KCNC2: variants seen among roughly 807,000 people sequenced by gnomAD.
KCNC2 encodes potassium voltage-gated channel subfamily C member 2.
KCNC2 carries 21 observed loss-of-function variants against 44.5 expected under a neutral mutation model. The observed-to-expected ratio is 0.47, with a 90% CI of 0.33 to 0.68. The LOEUF (loss-of-function observed/expected upper bound fraction) is 0.68. KCNC2 is among the 30% of genes least tolerant of loss of function. The probability of loss-of-function intolerance (pLI) is 0.01; values close to 1 mark genes in which losing one functional copy is unlikely to be tolerated. For synonymous variants in KCNC2, 391 were observed against 339.1 expected (o/e 1.15, Z -1.68); for missense variants, 589 against 826.2 (o/e 0.71, Z 3.52).
intron 2 of KCNC2, among the ~76,000 whole-genome samples, chr12:75,189,970 G>A (rs897099627): frequency 5.3e-5 from 8 of 151,996 alleles, no homozygotes; most frequent in Non-Finnish European, 7.4e-5. Context: ...AAATACCACC[G>A]GTTATTAGAC....
At chr12:75,044,381 T>C (rs575861890) in intron 4 of KCNC2, 2 of 152,056 alleles carry the variant, frequency 1.3e-5, no homozygotes, top group East Asian at 3.9e-4. Context: ...TTACACTATA[T>C]GACTTACTTT....
chr12:75,145,859 T>C (rs1421796888), intron 2 of KCNC2, among the ~76,000 whole-genome samples: 1 of 152,100 alleles, frequency 6.6e-6, no homozygotes, highest in Non-Finnish European at 1.5e-5. Flanking sequence ...ATATTACTGT[T>C]GTATTATATT....
intron 2 of KCNC2, among the ~76,000 whole-genome samples, chr12:75,092,606 C>T (rs920864812): frequency 6.6e-6 from 1 of 151,594 alleles, no homozygotes; most frequent in African/African-American, 2.4e-5. Context: ...GACATCTATT[C>T]CTGAAGAATG....
chr12:75,177,634 C>A (rs1027445066), intron 2 of KCNC2, among the ~76,000 whole-genome samples: 1 of 151,908 alleles, frequency 6.6e-6, no homozygotes, highest in Non-Finnish European at 1.5e-5. Context: ...AAACAATAGT[C>A]TTAGTTATTA....
chr12:75,147,018 G>T (rs1426443782), intron 2 of KCNC2, among the ~76,000 whole-genome samples: 1 of 152,084 alleles, frequency 6.6e-6, no homozygotes, highest in Non-Finnish European at 1.5e-5. Flanking sequence ...TTTATACTTA[G>T]AAAATACAGG....
At chr12:75,083,206 T>C (rs1434374105) in intron 2 of KCNC2, among the ~76,000 whole-genome samples, 1 of 151,688 alleles carries the variant, frequency 6.6e-6, no homozygotes, top group Non-Finnish European at 1.5e-5. Flanking sequence ...ATTGTACCAA[T>C]AACATTACTA....
intron 2 of KCNC2, among the ~76,000 whole-genome samples, chr12:75,101,059 T>C (rs1466961575): frequency 1.3e-5 from 2 of 152,138 alleles, no homozygotes; most frequent in African/African-American, 4.8e-5. Flanking sequence ...GATACTTTAA[T>C]TGCAGACTCA....
At position 75,208,076 on chromosome 12, in the gene KCNC2, C is replaced by A. The variant is rs372041865; in HGVS notation, c.-19-74G>T. 1.7e-5 allele frequency: 26 copies of A among 1,559,058 alleles called. No homozygotes were observed. In the South Asian group the frequency reaches 1.9e-4, roughly 12 times the overall value. On this transcript the variant is annotated intron_variant, in intron 1 of 4. Transcript: ENST00000549446. ...GACACACCATGACCCCCACCACCAA[C>A]CCAGAGCGAGTCCAGGGATGCAGAG... is the stretch of plus-strand genomic sequence containing the variant.
chr12:75,147,039 C>G (rs989675472), intron 2 of KCNC2, among the ~76,000 whole-genome samples: 2 of 152,208 alleles, frequency 1.3e-5, no homozygotes, highest in African/African-American at 4.8e-5. Context: ...AGAATCCACA[C>G]AATTTTAGGT....
At chr12:75,114,195 T>A (rs74367673) in intron 2 of KCNC2, among the ~76,000 whole-genome samples, 2,652 of 152,310 alleles carry the variant, frequency 0.017, 69 homozygotes, top group African/African-American at 0.06. Context: ...TGCTTTTGAC[T>A]TTTTGGCTTA....
chr12:75,141,611 T>G (rs1453877478), intron 2 of KCNC2, among the ~76,000 whole-genome samples: 1 of 152,164 alleles, frequency 6.6e-6, no homozygotes, highest in Admixed American at 6.5e-5. Flanking sequence ...TTTAAAAAAT[T>G]TATTCATTTA....
At chr12:75,085,845 A>C (rs531868408) in intron 2 of KCNC2, among the ~76,000 whole-genome samples, 41 of 152,188 alleles carry the variant, frequency 2.7e-4, no homozygotes, top group Non-Finnish European at 5.7e-4. Flanking sequence ...TATAAAGAAC[A>C]AGAAAATTAG....
At chr12:75,184,513 A>AC (rs1440339933) in intron 2 of KCNC2, among the ~76,000 whole-genome samples, 7 of 152,118 alleles carry the variant, frequency 4.6e-5, no homozygotes, top group African/African-American at 1.7e-4. Context: ...TTTAAACCTT[A>AC]CTACATCTCC....
At chr12:75,070,817 T>C (rs1259610940) in intron 2 of KCNC2, among the ~76,000 whole-genome samples, 1 of 152,046 alleles carries the variant, frequency 6.6e-6, no homozygotes, top group Admixed American at 6.5e-5. Flanking sequence ...AGAGTACAAA[T>C]ATTTCGATAA....
Position 75,207,841 on chromosome 12 carries a change from G to A in KCNC2, c.143C>T (p.Thr48Ile). ...CGGCTGCAGCTTGTCGCCCGCCGTG[G>A]TCAAGCAGTCGCCTGGGGGCTCGGA... ...ASSEPPGDCL[T>I]TAGDKLQPSP... Residue 48 changes from threonine to isoleucine, a missense_variant, in exon 2 of 5, where the codon ACC becomes ATC. This residue lies in a region of KCNC2 where 148 missense variants were observed against 140.1 expected (regional missense o/e 1.06). Coordinates refer to ENST00000549446, the MANE Select transcript of KCNC2 (RefSeq NM_139137.4). This position sits in a 1 kb window ranked among gnomAD's most constrained non-coding sequence, Gnocchi z 4.1. The A allele has an allele frequency of 1.9e-6, 3 of 1,610,892 alleles. No individual in the cohort carries two copies. The highest frequency in any genetic ancestry group is 2.7e-5 in the African/African-American group (2 of 74,786).
chr12:75,170,102 C>A (rs1381387535), intron 2 of KCNC2, among the ~76,000 whole-genome samples: 2 of 151,572 alleles, frequency 1.3e-5, no homozygotes, highest in African/African-American at 4.8e-5. Flanking sequence ...CTACCTTTTT[C>A]TTTTCTCAAG....
At position 75,202,499 on chromosome 12, in the gene KCNC2, CT is replaced by C. The variant is rs2031365571; in HGVS notation, c.687+4797del. ...ACACACTGGACTATTATAGCAGACTCTTTTGAGGAATATGAAGTTTGGGTAT... is the reference window on the plus strand; with the variant it reads ...ACACACTGGACTATTATAGCAGACTCTTTGAGGAATATGAAGTTTGGGTAT... On this transcript the variant is annotated intron_variant, in intron 2 of 4. Coordinates refer to ENST00000549446, the MANE Select transcript of KCNC2 (RefSeq NM_139137.4). Among the ~76,000 whole-genome samples the C allele has an allele frequency of 1.3e-5, 2 of 151,770 alleles. 1 individual carries two copies. Among genetic ancestry groups the C allele is most frequent in the Admixed American group, 1.3e-4 (2 of 15,232 alleles).
intron 2 of KCNC2, among the ~76,000 whole-genome samples, chr12:75,091,480 A>T (rs1885467554): frequency 6.6e-6 from 1 of 151,712 alleles, no homozygotes; most frequent in Non-Finnish European, 1.5e-5. Context: ...TGTTTTGAGA[A>T]GCAATAAAAT....
chr12:75,127,783 A>C (rs1029137269), intron 2 of KCNC2, among the ~76,000 whole-genome samples: 3 of 152,180 alleles, frequency 2.0e-5, no homozygotes, highest in Non-Finnish European at 4.4e-5. Context: ...AACCACTAAT[A>C]AAGGTCATAA....
Sources: allele counts gnomAD v4.1 joint callset (sites outside exome capture counted in the v4.1 genomes callset), GRCh38; gene constraint gnomAD v4.1.1; regional missense constraint gnomAD v4.1.1; non-coding constraint Gnocchi (gnomAD v3.1); transcripts MANE v1.5; gene names NCBI Gene and HGNC (gene_info 2026-07-23, HGNC 2026-07-21).